PFKFB2: variants seen among roughly 807,000 people sequenced by gnomAD.
The protein encoded by PFKFB2 is 6-phosphofructo-2-kinase/fructose-2,6-bisphosphatase 2.
A neutral mutation model predicts 68.0 loss-of-function variants in PFKFB2; 53 were observed. The ratio of observed to expected loss-of-function variants is 0.78; its 90% CI spans 0.63 to 0.98. The LOEUF (loss-of-function observed/expected upper bound fraction) is 0.98. Among genes scored for constraint, PFKFB2 ranks in the 50% least tolerant of loss-of-function variants. PFKFB2 has a pLI of 0.00. For missense variants in PFKFB2, 451 were observed against 642.0 expected, an observed-to-expected ratio of 0.70 and a Z score of 3.22; for synonymous variants, 222 against 227.6, an observed-to-expected ratio of 0.98 and a Z score of 0.22.
At chr1:207,061,921 A>G in intron 2 of PFKFB2, 32 bp from the exon 3 acceptor site, 1 of 1,589,244 alleles carries the variant, frequency 6.3e-7, no homozygotes, top group Non-Finnish European at 8.6e-7. Flanking sequence ...GACTCTAGTC[A>G]TTTCGTTTTA....
intron 10 of PFKFB2, among the ~76,000 whole-genome samples, chr1:207,068,882 G>A (rs980159669): frequency 1.3e-5 from 2 of 151,948 alleles, no homozygotes; most frequent in Admixed American, 1.3e-4. Context: ...GAGTAGCTGG[G>A]ATTATAGGCA....
upstream of PFKFB2, chr1:207,050,797 G>T: frequency 6.2e-7 from 1 of 1,613,446 alleles, no homozygotes; most frequent in Non-Finnish European, 8.5e-7. Flanking sequence ...TCCCGGTGAT[G>T]GCGGCAATTT....
Position 207,069,546 on chromosome 1 carries a change from T to C in PFKFB2, c.1092+18T>C. 6.7e-7 allele frequency: 1 copy of C among 1,491,120 alleles called. No individual in the cohort carries two copies. The highest frequency in any genetic ancestry group is 1.1e-5 in the South Asian group (1 of 88,536). 92.4% of individuals were successfully genotyped at this position (1,491,120 alleles called of 1,614,324 possible). On this transcript the variant is annotated intron_variant, in intron 11 of 14. Coordinates refer to ENST00000367080, the MANE Select transcript of PFKFB2 (RefSeq NM_006212.2). ...GTGGGGAGGTAAGACGCCCCTGTCA[T>C]GTAAAGTGACTGCCTAGACCCTTGC...
intron 1 of PFKFB2, among the ~76,000 whole-genome samples, chr1:207,039,257 TA>T (rs1682436135): frequency 6.6e-6 from 1 of 152,144 alleles, no homozygotes. Context: ...TTCAATCCAA[TA>T]AAATTCATTA....
intron 1 of PFKFB2, among the ~76,000 whole-genome samples, chr1:207,040,858 A>G (rs972330689): frequency 2.6e-5 from 4 of 151,566 alleles, no homozygotes; most frequent in Non-Finnish European, 4.4e-5. Context: ...CTCTAATGGG[A>G]TGGTAAAGAG....
At chr1:207,078,050 T>C (rs938390628), downstream of PFKFB2, among the ~76,000 whole-genome samples, 1 of 152,230 alleles carries the variant, frequency 6.6e-6, no homozygotes, top group South Asian at 2.1e-4. Context: ...TGTGTTCCTG[T>C]TGGCACTTAT....
At chr1:207,052,337 TAGGTAGGAGGGA>T (rs1356874084), upstream of PFKFB2, 3 of 1,006,448 alleles carry the variant, frequency 3.0e-6, no homozygotes, top group Non-Finnish European at 1.5e-6. Flanking sequence ...GGTTAGGGGG[TAGGTAGGAGGGA>T]AGGTAGGAGT....
At chr1:207,061,753 G>A (rs1344707311) in intron 2 of PFKFB2, among the ~76,000 whole-genome samples, 200 bp from the exon 3 acceptor site, 1 of 152,078 alleles carries the variant, frequency 6.6e-6, no homozygotes, top group East Asian at 1.9e-4. Flanking sequence ...ATGGTGGAGG[G>A]CGCCTGTAGT....
chr1:207,063,987 T>A lies in PFKFB2; in HGVS notation c.507+158T>A, dbSNP rs1339857654. Among the ~76,000 whole-genome samples, 1 of 152,036 alleles carries A rather than the reference T, an allele frequency of 6.6e-6. No homozygotes were observed. The highest frequency in any genetic ancestry group is 1.5e-5 in the Non-Finnish European group (1 of 68,000). ...TTTAACATCACAAAGAGATCTTTTC[T>A]ATCTGCCAGAGCCCCATCTGGTACT... On this transcript the variant is annotated intron_variant, in intron 7 of 14. Coordinates refer to ENST00000367080, the MANE Select transcript of PFKFB2 (RefSeq NM_006212.2). The surrounding 1 kb of genome is among the most constrained non-coding windows in gnomAD (Gnocchi z 4.1).
chr1:207,078,092 C>T (rs1470219624), downstream of PFKFB2, among the ~76,000 whole-genome samples: 1 of 152,214 alleles, frequency 6.6e-6, no homozygotes, highest in East Asian at 1.9e-4. Flanking sequence ...CATTTCACTG[C>T]ACTGTGCAGT....
upstream of PFKFB2, among the ~76,000 whole-genome samples, chr1:207,052,619 T>C (rs1041805976): frequency 1.3e-5 from 2 of 152,096 alleles, no homozygotes; most frequent in Admixed American, 1.3e-4. Context: ...GCCATTGCAC[T>C]CCAGCCTGGG....
intron 8 of PFKFB2, chr1:207,065,372 A>G (rs1683253490): frequency 2.2e-6 from 2 of 912,162 alleles, no homozygotes; most frequent in African/African-American, 3.6e-5. Context: ...TTGTTTTGAG[A>G]CAGGGTCTCA....
rs1225863865 is a variant in PFKFB2 at position 207,072,298 on chromosome 1, A to G, written c.1445A>G (p.Tyr482Cys). ...AATACAATAAGGCGTCCAAGAAATT[A>G]CAGTGTTGGGAGCCGGCCCCTCAAG... Reference protein sequence around the residue: ...SSNTIRRPRNYSVGSRPLKPL... With the variant: ...SSNTIRRPRNCSVGSRPLKPL... The change falls in exon 15 of 15, where the codon TAC becomes TGC. Residue 482 changes from tyrosine (Y) to cysteine (C), a missense_variant. Coordinates refer to ENST00000367080, the MANE Select transcript of PFKFB2 (RefSeq NM_006212.2). 1 of 1,614,054 alleles carries G rather than the reference A, an allele frequency of 6.2e-7. No individual in the cohort carries two copies. Among genetic ancestry groups the G allele is most frequent in the African/African-American group, 1.3e-5 (1 of 74,914 alleles).
At chr1:207,061,187 A>ATATATTTATATATATCTT (rs1558059836) in intron 2 of PFKFB2, among the ~76,000 whole-genome samples, 15 of 67,602 alleles carry the variant, frequency 2.2e-4, no homozygotes, top group African/African-American at 6.4e-4. Flanking sequence ...ATATATATAT[A>ATATATTTATATATATCTT]TATATATATA....
At position 207,062,696 on chromosome 1, in the gene PFKFB2, G is replaced by A. The variant is rs980128713; in HGVS notation, c.288G>A (p.Glu96=). The part of the protein sequence containing the change: ...KSYDFFRHDN[E]EAMKIRKQCA... ...ACGACTTCTTTCGGCATGACAATGA[G>A]GAGGCCATGAAGATCCGCAAGTGAG... Residue 96 remains glutamate (E), a synonymous_variant, in exon 4 of 15, where the codon GAG becomes GAA. Transcript: ENST00000367080. 4 of 1,614,102 alleles carry A rather than the reference G, an allele frequency of 2.5e-6. No individual in the cohort carries two copies. The highest frequency in any genetic ancestry group is 3.4e-6 in the Non-Finnish European group (4 of 1,179,994).
chr1:207,051,513 C>T (rs1250130750), upstream of PFKFB2, among the ~76,000 whole-genome samples: 1 of 152,178 alleles, frequency 6.6e-6, no homozygotes, highest in African/African-American at 2.4e-5. Flanking sequence ...AAAGACTGGC[C>T]TTTCTGCCTC....
chr1:207,079,138 C>A, downstream of PFKFB2: 1 of 821,264 alleles, frequency 1.2e-6, no homozygotes, highest in Non-Finnish European at 2.1e-6. Context: ...TTGGGGGCCA[C>A]CAAAACGAGG....
Position 207,063,975 on chromosome 1 carries a change from A to C in PFKFB2, c.507+146A>C, listed in dbSNP as rs1338293723. The C allele has an allele frequency of 5.6e-6, 4 of 709,366 alleles. No homozygotes were observed. The highest frequency in any genetic ancestry group is 5.2e-5 in the African/African-American group (3 of 57,538). 43.9% of individuals were successfully genotyped at this position (709,366 alleles called of 1,614,324 possible). The stretch of plus-strand genomic sequence containing the variant: ...GAAATAGACATGTTTAACATCACAA[A>C]GAGATCTTTTCTATCTGCCAGAGCC... On this transcript the variant is annotated intron_variant, in intron 7 of 14. Coordinates refer to ENST00000367080, the MANE Select transcript of PFKFB2 (RefSeq NM_006212.2). The surrounding 1 kb of genome is among the most constrained non-coding windows in gnomAD (Gnocchi z 4.1).
Position 207,072,604 on chromosome 1 carries a change from G to A in PFKFB2, c.*233G>A, listed in dbSNP as rs184432317. 7.6e-7 allele frequency: 1 copy of A among 1,323,746 alleles called. No individual in the cohort carries two copies. Among genetic ancestry groups the A allele is most frequent in the Non-Finnish European group, 9.6e-7 (1 of 1,036,590 alleles). 82.0% of individuals were successfully genotyped at this position (1,323,746 alleles called of 1,614,324 possible). A position where few individuals can be genotyped will look rare whatever the true frequency, so the allele number is the denominator to read the frequency against. ...ACCCAGGGGCAAGTTAGCAAATTGAGTCTTTTAGGACAGATTCTCAGATGG... is the reference window on the plus strand; with the variant it reads ...ACCCAGGGGCAAGTTAGCAAATTGAATCTTTTAGGACAGATTCTCAGATGG... On this transcript the variant is annotated 3_prime_UTR_variant, in exon 15 of 15. Coordinates refer to ENST00000367080, the MANE Select transcript of PFKFB2 (RefSeq NM_006212.2).
Sources: allele counts gnomAD v4.1 joint callset (sites outside exome capture counted in the v4.1 genomes callset), GRCh38; gene constraint gnomAD v4.1.1; non-coding constraint Gnocchi (gnomAD v3.1); transcripts MANE v1.5; gene names NCBI Gene and HGNC (gene_info 2026-07-23, HGNC 2026-07-21).